VCPKMT: variants seen among roughly 807,000 people sequenced by gnomAD.
VCPKMT encodes the protein valosin containing protein lysine methyltransferase.
A neutral mutation model predicts 28.6 loss-of-function variants in VCPKMT; 32 were observed. The observed-to-expected ratio is 1.12, with a 90% CI of 0.84 to 1.50. The LOEUF (loss-of-function observed/expected upper bound fraction) is 1.50, where lower values mean the gene tolerates loss of function less well. Ranked by LOEUF, VCPKMT falls within the 40% of genes most tolerant of loss-of-function variation. VCPKMT has a pLI of 0.00. For missense variants in VCPKMT, 366 were observed against 285.0 expected (o/e 1.28, Z -2.05); for synonymous variants, 138 against 111.4 (o/e 1.24, Z -1.50).
intron 3 of VCPKMT, among the ~76,000 whole-genome samples, chr14:50,114,786 G>A (rs1362741573): frequency 6.6e-6 from 1 of 152,188 alleles, no homozygotes; most frequent in Non-Finnish European, 1.5e-5. Context: ...GGAGCTCGAG[G>A]TTACAGTGAG....
rs1566811376 is a variant in VCPKMT at position 50,116,333 on chromosome 14, G to C, written c.220C>G (p.Leu74Val). Reference protein sequence around the residue: ...HALSRRSVLELGSGTGAVGLM... With the variant: ...HALSRRSVLEVGSGTGAVGLM... ...CCCACGGCCCCGGTGCCCGAACCCA[G>C]CTCCAGCACCGACCGCCGGCTCAGC... The change falls in exon 1 of 6, where the codon CTG becomes GTG. Residue 74 changes from leucine to valine, a missense_variant. By Grantham distance (32) the Leu-to-Val change is conservative. Coordinates refer to ENST00000395860, the MANE Select transcript of VCPKMT (RefSeq NM_024558.3). The C allele has an allele frequency of 1.2e-6, 2 of 1,610,744 alleles. No homozygotes were observed.
At chr14:50,115,102 T>A (rs1307628540) in intron 3 of VCPKMT, among the ~76,000 whole-genome samples, 1 of 152,110 alleles carries the variant, frequency 6.6e-6, no homozygotes, top group African/African-American at 2.4e-5. Context: ...CAATGCTAAT[T>A]ATTTTTAAAA....
At position 50,115,876 on chromosome 14, in the gene VCPKMT, T is replaced by C. The variant is rs749517965; in HGVS notation, c.413A>G (p.Asp138Gly). 23 of 1,613,564 alleles carry C rather than the reference T, an allele frequency of 1.4e-5. 1 individual carries two copies. In the South Asian group the frequency reaches 2.4e-4, roughly 17 times the overall value. Residue 138 changes from aspartate (D) to glycine (G), a missense_variant, in exon 3 of 6, where the codon GAC (aspartate) becomes GGC (glycine). Coordinates refer to ENST00000395860, the MANE Select transcript of VCPKMT (RefSeq NM_024558.3). ...EEIEGFPSPP[D>G]FILMADCIYY... Reference sequence around the variant, plus strand: ...TATGCAGTCGGCCATCAGTATGAAGTCGGGTGGAGAAGGAAAGCCTTCTAT... The same window carrying C: ...TATGCAGTCGGCCATCAGTATGAAGCCGGGTGGAGAAGGAAAGCCTTCTAT...
intron 5 of VCPKMT, among the ~76,000 whole-genome samples, 156 bp downstream of exon 5, chr14:50,112,459 A>G (rs1277273003): frequency 6.6e-6 from 1 of 150,970 alleles, no homozygotes; most frequent in African/African-American, 2.4e-5. Flanking sequence ...AAGATAGATT[A>G]AATTATCTTG....
At position 50,116,156 on chromosome 14, in the gene VCPKMT, A is replaced by AGT. The variant is rs1350249450; in HGVS notation, c.289_290insAC (p.Leu97HisfsTer9). Reference sequence around the variant, plus strand: ...CTTCAGCAAGTCTTGCAATTCCTCAAGATCGGTGACTACAACATCAGCCCT... The same window carrying AGT: ...CTTCAGCAAGTCTTGCAATTCCTCAAGTGATCGGTGACTACAACATCAGCCCT... On this transcript the variant is annotated frameshift_variant, in exon 2 of 6. Transcript: ENST00000395860. LOFTEE classifies it high-confidence loss of function. 1.2e-6 allele frequency: 2 copies of AGT among 1,614,114 alleles called. No homozygotes were observed. The highest frequency in any genetic ancestry group is 1.7e-6 in the Non-Finnish European group (2 of 1,180,048).
chr14:50,116,559 C>T lies in VCPKMT; in HGVS notation c.-7G>A, dbSNP rs1256669155. The T allele has an allele frequency of 1.9e-6, 3 of 1,598,948 alleles. No individual in the cohort carries two copies. Among genetic ancestry groups the T allele is most frequent in the African/African-American group, 2.7e-5 (2 of 74,688 alleles). On this transcript the variant is annotated 5_prime_UTR_variant, in exon 1 of 6. Coordinates refer to ENST00000395860, the MANE Select transcript of VCPKMT (RefSeq NM_024558.3). Reference sequence around the variant, plus strand: ...ACTCCAGCGTATCCGCCATTGCGCCCGGCAACAGAAAGCGGCGCGCGCAGG... The same window carrying T: ...ACTCCAGCGTATCCGCCATTGCGCCTGGCAACAGAAAGCGGCGCGCGCAGG...
At chr14:50,106,979 C>CA (rs1292103190), downstream of VCPKMT, among the ~76,000 whole-genome samples, 3 of 152,248 alleles carry the variant, frequency 2.0e-5, no homozygotes, top group African/African-American at 7.2e-5. Context: ...CTTGGCCTCC[C>CA]AAAGTGCTGG....
In VCPKMT at chr14:50,114,335, C is replaced by G. The variant is rs747609022; in HGVS notation, c.520G>C (p.Glu174Gln). ...GFETCIICCYEQRTMGKNPEI... is the reference protein window; with the variant it reads ...GFETCIICCYQQRTMGKNPEI... ...GGATTTTTCCCCATTGTTCGTTGTT[C>G]ATAACAACATATAATACAAGTTTCA... The change falls in exon 4 of 6, where the codon GAA becomes CAA. Residue 174 changes from glutamate (E) to glutamine (Q), a missense_variant. Transcript: ENST00000395860. 1 of 1,594,012 alleles carries G rather than the reference C, an allele frequency of 6.3e-7. No individual in the cohort carries two copies. Among genetic ancestry groups the G allele is most frequent in the South Asian group, 1.2e-5 (1 of 85,674 alleles).
chr14:50,113,797 G>GT (rs1347876882), intron 4 of VCPKMT, among the ~76,000 whole-genome samples: 1 of 82,260 alleles, frequency 1.2e-5, no homozygotes, highest in African/African-American at 5.0e-5. Flanking sequence ...TTGGGGGCGG[G>GT]GGGGGGGGGG....
In VCPKMT at chr14:50,113,915, C is replaced by CAAAACAAAAACAAAAACAAAAACA. The variant is rs60601871; in HGVS notation, c.570+369_570+370insTGTTTTTGTTTTTGTTTTTGTTTT. Among the ~76,000 whole-genome samples the CAAAACAAAAACAAAAACAAAAACA allele has an allele frequency of 2.9e-3, 434 of 150,988 alleles. 6 individuals are homozygous for CAAAACAAAAACAAAAACAAAAACA. The highest frequency in any genetic ancestry group is 9.6e-3 in the African/African-American group (396 of 41,060). ...TGGGCTACAGGGTGAAACCCTGTCTCAAAACAAAAACAACTTATCACCTGC... is the reference window on the plus strand; with the variant it reads ...TGGGCTACAGGGTGAAACCCTGTCTCAAAACAAAAACAAAAACAAAAACAAAAACAAAAACAACTTATCACCTGC... On this transcript the variant is annotated intron_variant, in intron 4 of 5. Coordinates refer to ENST00000395860, the MANE Select transcript of VCPKMT (RefSeq NM_024558.3).
At chr14:50,114,478 C>T (rs575143945) in intron 3 of VCPKMT, 74 bp from the exon 4 acceptor site, 168 of 1,084,896 alleles carry the variant, frequency 1.5e-4, no homozygotes, top group Non-Finnish European at 2.0e-4. Flanking sequence ...TGAGGAGGTA[C>T]AGGGGTATTT....
At chr14:50,112,076 A>G in intron 5 of VCPKMT, 9 of 984,934 alleles carry the variant, frequency 9.1e-6, no homozygotes, top group Non-Finnish European at 1.1e-5. Flanking sequence ...GCCTTGTTGT[A>G]TTTCATTTCC....
downstream of VCPKMT, among the ~76,000 whole-genome samples, chr14:50,104,951 G>A (rs757110312): frequency 3.3e-5 from 5 of 151,970 alleles, no homozygotes; most frequent in Non-Finnish European, 7.4e-5. Context: ...GAAACAGAAA[G>A]ATAAACCAAA....
intron 5 of VCPKMT, chr14:50,112,132 G>A (rs532179952): frequency 4.4e-6 from 4 of 912,278 alleles, no homozygotes; most frequent in Middle Eastern, 5.5e-4. Context: ...GTAAGAGCAG[G>A]CATTTTAAAA....
rs764184971 is a variant in VCPKMT, at chr14:50,116,467, C to A, written c.86G>T (p.Arg29Leu). The change falls in exon 1 of 6, where the codon CGA (arginine) becomes CTA (leucine). Residue 29 changes from arginine to leucine, a missense_variant. By Grantham distance (102) the Arg-to-Leu change is moderately radical. Transcript: ENST00000395860. Reference protein sequence around the residue: ...VLEKRDGTVLRLQQYSSGGVG... With the variant: ...VLEKRDGTVLLLQQYSSGGVG... ...GCCACCGGAGCTATACTGCTGTAGTCGTAGCACTGTACCATCCCGCTTCTC... is the reference window on the plus strand; with the variant it reads ...GCCACCGGAGCTATACTGCTGTAGTAGTAGCACTGTACCATCCCGCTTCTC... The A allele has an allele frequency of 1.9e-5, 30 of 1,613,926 alleles. No homozygotes were observed. The highest frequency in any genetic ancestry group is 5.1e-6 in the Non-Finnish European group (6 of 1,179,970).
rs1883230423 is a variant in VCPKMT at position 50,116,475 on chromosome 14, T to C, written c.78A>G (p.Thr26=). The C allele has an allele frequency of 6.2e-7, 1 of 1,614,024 alleles. No homozygotes were observed. Among genetic ancestry groups the C allele is most frequent in the Admixed American group, 1.7e-5 (1 of 60,034 alleles). The part of the protein sequence containing the change: ...FVRVLEKRDG[T]VLRLQQYSSG... ...AGCTATACTGCTGTAGTCGTAGCAC[T>C]GTACCATCCCGCTTCTCCAAAACTC... The change falls in exon 1 of 6, where the codon ACA becomes ACG. Residue 26 remains threonine, a synonymous_variant. Transcript: ENST00000395860.
the VCPKMT span, among the ~76,000 whole-genome samples, chr14:50,103,044 T>C: frequency 6.6e-6 from 1 of 152,222 alleles, no homozygotes; most frequent in Non-Finnish European, 1.5e-5. Flanking sequence ...ATTATAAGAT[T>C]TTTTTGCAAT....
In VCPKMT at chr14:50,116,011, G is replaced by GC. The variant is rs1883155433; in HGVS notation, c.377+57dup. 11 of 1,591,648 alleles carry GC rather than the reference G, an allele frequency of 6.9e-6. No homozygotes were observed. In the South Asian group the frequency reaches 1.0e-4, roughly 14 times the overall value. On this transcript the variant is annotated intron_variant, in intron 2 of 5. Transcript: ENST00000395860. Reference sequence around the variant, plus strand: ...TCCCCTTCCATCCTTTTAATGAAACGCAATTCAAAACAAACTACAAATCAA... The same window carrying GC: ...TCCCCTTCCATCCTTTTAATGAAACGCCAATTCAAAACAAACTACAAATCAA...
Position 50,114,302 on chromosome 14 carries a change from C to T in VCPKMT, c.553G>A (p.Glu185Lys). 1 of 1,580,146 alleles carries T rather than the reference C, an allele frequency of 6.3e-7. No homozygotes were observed. The highest frequency in any genetic ancestry group is 8.6e-7 in the Non-Finnish European group (1 of 1,168,632). Residue 185 changes from glutamate (E) to lysine (K), a missense_variant, in exon 4 of 6, where the codon GAG becomes AAG. Glu to Lys is a moderately conservative substitution (Grantham distance 56, BLOSUM62 1). Coordinates refer to ENST00000395860, the MANE Select transcript of VCPKMT (RefSeq NM_024558.3). ...ATACTTACCTCAAAATATTTTTTCT[C>T]AATTTCTGGATTTTTCCCCATTGTT... is the stretch of plus-strand genomic sequence containing the variant. ...QRTMGKNPEI[E>K]KKYFELLQLD...
Sources: gnomAD v4.1 joint callset for allele counts (sites outside exome capture counted in the v4.1 genomes callset) on GRCh38, gnomAD v4.1.1 for gene constraint, MANE v1.5 for transcripts, NCBI Gene and HGNC (gene_info 2026-07-23, HGNC 2026-07-21) for gene names.